Variants in TTLL5 observed in about 807,000 individuals in gnomAD.
TTLL5 encodes the protein tubulin polyglutamylase TTLL5.
Under a neutral mutation model 168.4 loss-of-function variants are expected in TTLL5, and 132 were observed. That is an observed-to-expected ratio of 0.78 (90% CI 0.68 to 0.91). The LOEUF (loss-of-function observed/expected upper bound fraction) is 0.91, where lower values mean the gene tolerates loss of function less well. Among genes scored for constraint, TTLL5 ranks in the 40% least tolerant of loss-of-function variants. The probability of loss-of-function intolerance (pLI) is 0.00; values close to 1 mark genes in which losing one functional copy is unlikely to be tolerated. For missense variants in TTLL5, 1,545 were observed against 1,581.5 expected (o/e 0.98, Z 0.39); for synonymous variants, 546 against 558.6 (o/e 0.98, Z 0.32).
At chr14:75,752,316 A>G (rs1449463718) in intron 17 of TTLL5, among the ~76,000 whole-genome samples, 1 of 152,154 alleles carries the variant, frequency 6.6e-6, no homozygotes, top group African/African-American at 2.4e-5. Context: ...TTCTAAGGAG[A>G]CTTGGCTGAC....
At chr14:75,711,677 C>T (rs1887089450) in intron 9 of TTLL5, 2 of 152,206 alleles carry the variant, frequency 1.3e-5, no homozygotes, top group African/African-American at 4.8e-5. Flanking sequence ...TGGGAAGGTC[C>T]CGGTTGGAAT....
chr14:75,818,842 T>C (rs1021202023), intron 27 of TTLL5, among the ~76,000 whole-genome samples: 1 of 152,166 alleles, frequency 6.6e-6, no homozygotes, highest in African/African-American at 2.4e-5. Context: ...TTGTCTTACT[T>C]AGGGCAAAAT....
intron 6 of TTLL5, among the ~76,000 whole-genome samples, chr14:75,694,390 G>A (rs889536293): frequency 6.6e-6 from 1 of 152,182 alleles, no homozygotes; most frequent in Non-Finnish European, 1.5e-5. Context: ...AGGCTGGAGT[G>A]CAATGGTGTG....
chr14:75,828,444 A>G (rs1895358863), intron 28 of TTLL5, among the ~76,000 whole-genome samples: 1 of 152,186 alleles, frequency 6.6e-6, no homozygotes, highest in East Asian at 1.9e-4. Context: ...TAAATTTTTT[A>G]TTCTCTAGCT....
intron 31 of TTLL5, among the ~76,000 whole-genome samples, chr14:75,940,077 CTTTTTTTTTTTT>C (rs5809741): frequency 3.8e-5 from 3 of 78,836 alleles, no homozygotes; most frequent in African/African-American, 5.1e-5. Context: ...GAAATTAAAT[CTTTTTTTTTTTT>C]TTTTTTTTTT....
At chr14:75,870,076 C>T (rs1043621077) in intron 29 of TTLL5, among the ~76,000 whole-genome samples, 1 of 151,966 alleles carries the variant, frequency 6.6e-6, no homozygotes, top group Non-Finnish European at 1.5e-5. Context: ...ACCTTCGCCT[C>T]CAAAAGTGCT....
chr14:75,795,400 G>A (rs1159296820), intron 27 of TTLL5, among the ~76,000 whole-genome samples: 1 of 152,124 alleles, frequency 6.6e-6, no homozygotes, highest in Non-Finnish European at 1.5e-5. Flanking sequence ...GGGTACATAG[G>A]TGTATATATT....
At chr14:75,664,069 A>G (rs568042817) in intron 2 of TTLL5, among the ~76,000 whole-genome samples, 1 of 151,710 alleles carries the variant, frequency 6.6e-6, no homozygotes, top group East Asian at 1.9e-4. Context: ...GGGCAACAAG[A>G]GCAAACCTCC....
chr14:75,883,187 G>C (rs938893459), intron 30 of TTLL5, among the ~76,000 whole-genome samples: 7 of 152,194 alleles, frequency 4.6e-5, no homozygotes, highest in African/African-American at 1.4e-4. Flanking sequence ...CTTCCCCTTG[G>C]TTTGTTCACT....
intron 12 of TTLL5, among the ~76,000 whole-genome samples, chr14:75,731,524 G>A (rs1348035007): frequency 6.6e-6 from 1 of 151,930 alleles, no homozygotes; most frequent in Non-Finnish European, 1.5e-5. Flanking sequence ...ATGAAACCAG[G>A]CATTCTGGGA....
intron 28 of TTLL5, among the ~76,000 whole-genome samples, chr14:75,842,575 T>C (rs1896318201): frequency 1.3e-5 from 2 of 152,046 alleles, no homozygotes; most frequent in South Asian, 4.2e-4. Flanking sequence ...CCTCTCCCCT[T>C]CCTAAGTAAT....
chr14:75,708,892 T>C (rs1886845133), intron 9 of TTLL5, among the ~76,000 whole-genome samples: 1 of 152,200 alleles, frequency 6.6e-6, no homozygotes, highest in Non-Finnish European at 1.5e-5. Flanking sequence ...TCCAATCTTT[T>C]GGCTTCCCTG....
intron 28 of TTLL5, among the ~76,000 whole-genome samples, chr14:75,855,203 C>T (rs1334453602): frequency 6.7e-6 from 1 of 149,392 alleles, no homozygotes; most frequent in African/African-American, 2.4e-5. Flanking sequence ...TCAGTTTCTT[C>T]AACAACAAAA....
intron 28 of TTLL5, chr14:75,837,126 A>G (rs776925000): frequency 1.3e-5 from 2 of 152,326 alleles, no homozygotes; most frequent in African/African-American, 2.4e-5. Flanking sequence ...GTGTCAGCCA[A>G]GAGGGTTGCA....
At chr14:75,881,624 A>G (rs1484018501) in intron 29 of TTLL5, among the ~76,000 whole-genome samples, 2 of 152,228 alleles carry the variant, frequency 1.3e-5, no homozygotes, top group Non-Finnish European at 2.9e-5. Context: ...AGCATCTCAT[A>G]TTATTTCATC....
chr14:75,926,156 C>CTTTTTGTTTTTTTTTTT (rs2034057383), intron 31 of TTLL5, among the ~76,000 whole-genome samples: 1 of 29,952 alleles, frequency 3.3e-5, no homozygotes. Flanking sequence ...GCAACCCCAG[C>CTTTTTGTTTTTTTTTTT]TTTTTTTTTT....
intron 28 of TTLL5, among the ~76,000 whole-genome samples, chr14:75,845,612 G>A (rs1896502212): frequency 6.6e-6 from 1 of 152,182 alleles, no homozygotes; most frequent in African/African-American, 2.4e-5. Flanking sequence ...CCTGGTTTAT[G>A]CCAGATCCTG....
chr14:75,911,772 A>G (rs768510926), intron 31 of TTLL5, among the ~76,000 whole-genome samples: 3 of 152,266 alleles, frequency 2.0e-5, no homozygotes, highest in African/African-American at 7.2e-5. Context: ...GGAATTTTCA[A>G]AATCACAACT....
At chr14:75,767,189 G>T (rs1413083158) in intron 20 of TTLL5, among the ~76,000 whole-genome samples, 3 of 151,860 alleles carry the variant, frequency 2.0e-5, no homozygotes, top group Admixed American at 6.6e-5. Context: ...AAGACATAGA[G>T]GTGTGATAAT....
Sources: allele counts gnomAD v4.1 joint callset (sites outside exome capture counted in the v4.1 genomes callset), GRCh38; gene constraint gnomAD v4.1.1; transcripts MANE v1.5; gene names NCBI Gene and HGNC (gene_info 2026-07-23, HGNC 2026-07-21).